Variants in TAFA5 observed in about 807,000 individuals in gnomAD.
The protein encoded by TAFA5 is TAFA chemokine like family member 5.
A neutral mutation model predicts 15.3 loss-of-function variants in TAFA5; 6 were observed. The observed-to-expected ratio is 0.39, with a 90% CI of 0.21 to 0.77. TAFA5 has a LOEUF of 0.77. Among genes scored for constraint, TAFA5 ranks in the 30% least tolerant of loss-of-function variants. The pLI, the probability that TAFA5 is intolerant of heterozygous loss-of-function variation, is 0.41. For synonymous variants in TAFA5, 103 were observed against 80.7 expected, an observed-to-expected ratio of 1.28 and a Z score of -1.48; for missense variants, 161 against 193.1, an observed-to-expected ratio of 0.83 and a Z score of 0.98.
intron 1 of TAFA5, among the ~76,000 whole-genome samples, chr22:48,645,056 A>G (rs1327510633): frequency 6.6e-6 from 1 of 152,258 alleles, no homozygotes; most frequent in Non-Finnish European, 1.5e-5. Context: ...GGCCCTGCAC[A>G]GAGGAGGGCT....
chr22:48,609,236 A>G (rs760151261), intron 1 of TAFA5, among the ~76,000 whole-genome samples: 34 of 152,316 alleles, frequency 2.2e-4, no homozygotes, highest in Admixed American at 4.6e-4. Flanking sequence ...TGAGGCCTGA[A>G]GAGGGAGATT....
chr22:48,584,822 TAC>T (rs954248380), intron 1 of TAFA5, among the ~76,000 whole-genome samples: 1 of 139,860 alleles, frequency 7.2e-6, no homozygotes, highest in African/African-American at 2.7e-5. Context: ...CACACACGCA[TAC>T]ACACGTATAC....
chr22:48,716,706 C>T (rs536615394), intron 3 of TAFA5, among the ~76,000 whole-genome samples: 4 of 152,220 alleles, frequency 2.6e-5, no homozygotes, highest in South Asian at 2.1e-4. Context: ...GCCTGGAGAG[C>T]GCTTTGGGAA....
chr22:48,529,562 T>G (rs1601557881), intron 1 of TAFA5, among the ~76,000 whole-genome samples: 1 of 26,224 alleles, frequency 3.8e-5, no homozygotes, highest in African/African-American at 1.6e-4. Context: ...GAGATGGGGG[T>G]GTCAGGCAGG....
chr22:48,676,495 G>A (rs1164403271), intron 2 of TAFA5, among the ~76,000 whole-genome samples: 3 of 152,246 alleles, frequency 2.0e-5, no homozygotes, highest in African/African-American at 4.8e-5. Context: ...CATCACCACT[G>A]TGGGTGATTC....
At chr22:48,703,751 G>T (rs901388645) in intron 2 of TAFA5, among the ~76,000 whole-genome samples, 1 of 152,242 alleles carries the variant, frequency 6.6e-6, no homozygotes, top group African/African-American at 2.4e-5. Flanking sequence ...GCCACCTCCT[G>T]TCCACCCTCT....
intron 1 of TAFA5, among the ~76,000 whole-genome samples, chr22:48,502,068 C>G (rs768712200): frequency 6.6e-6 from 1 of 152,230 alleles, no homozygotes; most frequent in Non-Finnish European, 1.5e-5. Context: ...GTGGCCCACC[C>G]GCTGTCTCTA....
At chr22:48,544,822 TG>T in intron 1 of TAFA5, 1 of 471,238 alleles carries the variant, frequency 2.1e-6, no homozygotes, top group South Asian at 1.5e-5. Flanking sequence ...AGGTGTGGCC[TG>T]GGGTCCCACG....
At chr22:48,630,069 G>A (rs1926160098) in intron 1 of TAFA5, among the ~76,000 whole-genome samples, 2 of 152,226 alleles carry the variant, frequency 1.3e-5, no homozygotes, top group East Asian at 1.9e-4. Flanking sequence ...TGACCTGACT[G>A]GGGTCGGGGC....
intron 1 of TAFA5, among the ~76,000 whole-genome samples, chr22:48,541,136 G>A (rs1012289811): frequency 2.0e-5 from 3 of 152,106 alleles, no homozygotes; most frequent in African/African-American, 7.2e-5. Flanking sequence ...GCGCCTCCTG[G>A]GTGTGTGCAC....
intron 1 of TAFA5, among the ~76,000 whole-genome samples, chr22:48,584,591 C>T (rs951829021): frequency 6.7e-6 from 1 of 148,608 alleles, no homozygotes; most frequent in African/African-American, 2.5e-5. Flanking sequence ...AAATACACCT[C>T]ACACACACCA....
chr22:48,719,079 G>T lies in TAFA5; in HGVS notation c.390+11235G>T, dbSNP rs1482872659. On this transcript the variant is annotated intron_variant, in intron 3 of 3. Coordinates refer to ENST00000402357, the MANE Select transcript of TAFA5 (RefSeq NM_001082967.3). Reference sequence around the variant, plus strand: ...GAAACGCAGTTTTAATCCATTTTATGGGCCCAGGGGGATTTTCAACTTTTT... The same window carrying T: ...GAAACGCAGTTTTAATCCATTTTATTGGCCCAGGGGGATTTTCAACTTTTT... Among the ~76,000 whole-genome samples, 3 of 152,218 alleles carry T rather than the reference G, an allele frequency of 2.0e-5. No individual in the cohort carries two copies. In the East Asian group the frequency reaches 5.8e-4, roughly 29 times the overall value.
At chr22:48,670,814 C>A (rs6010578) in intron 2 of TAFA5, among the ~76,000 whole-genome samples, 1 of 152,152 alleles carries the variant, frequency 6.6e-6, no homozygotes, top group Non-Finnish European at 1.5e-5. Context: ...CCATCAGGAG[C>A]CGTGGCTTAC....
intron 3 of TAFA5, among the ~76,000 whole-genome samples, chr22:48,717,421 G>T (rs1305020158): frequency 6.6e-6 from 1 of 152,236 alleles, no homozygotes; most frequent in Non-Finnish European, 1.5e-5. Context: ...AGGGGAAGGG[G>T]TCAGGGGACA....
intron 1 of TAFA5, among the ~76,000 whole-genome samples, chr22:48,507,546 C>T (rs1921043662): frequency 6.6e-6 from 1 of 152,204 alleles, no homozygotes. Context: ...TTTGCCAGCC[C>T]CTTTTGCCCA....
intron 3 of TAFA5, among the ~76,000 whole-genome samples, chr22:48,743,170 G>A (rs139697612): frequency 4.6e-5 from 7 of 151,268 alleles, no homozygotes; most frequent in Non-Finnish European, 7.4e-5. Context: ...CCGTGCTCCC[G>A]CAGGAGGCAG....
chr22:48,545,873 C>A (rs1922647101), intron 1 of TAFA5, among the ~76,000 whole-genome samples: 1 of 152,162 alleles, frequency 6.6e-6, no homozygotes, highest in African/African-American at 2.4e-5. Flanking sequence ...CAGATTAATA[C>A]ATGAATGAGT....
intron 1 of TAFA5, among the ~76,000 whole-genome samples, chr22:48,591,807 G>A (rs73173426): frequency 1.3e-5 from 2 of 152,234 alleles, no homozygotes; most frequent in Middle Eastern, 3.4e-3. Context: ...CACTGGGCTC[G>A]CGGAAGCCCA....
chr22:48,614,682 A>C (rs572479581), intron 1 of TAFA5, among the ~76,000 whole-genome samples: 11 of 152,208 alleles, frequency 7.2e-5, no homozygotes, highest in Non-Finnish European at 1.0e-4. Context: ...CTGAGATTCC[A>C]TGCGTCCTGG....
Sources: allele counts gnomAD v4.1 joint callset (sites outside exome capture counted in the v4.1 genomes callset), GRCh38; gene constraint gnomAD v4.1.1; transcripts MANE v1.5; gene names NCBI Gene and HGNC (gene_info 2026-07-23, HGNC 2026-07-21).